The following MACROD1 variants were observed in gnomAD, a reference collection of about 807,000 sequenced individuals.
MACROD1 encodes mono-ADP ribosylhydrolase 1, also known as ADP-ribose glycohydrolase MACROD1.
Under a neutral mutation model 41.4 loss-of-function variants are expected in MACROD1, and 31 were observed. The ratio of observed to expected loss-of-function variants is 0.75; its 90% CI spans 0.56 to 1.01. The LOEUF (loss-of-function observed/expected upper bound fraction) is 1.01, where lower values mean the gene tolerates loss of function less well. Ranked by LOEUF, MACROD1 falls within the 50% of genes least tolerant of loss-of-function variation. The pLI, the probability that MACROD1 is intolerant of heterozygous loss-of-function variation, is 0.00. For synonymous variants in MACROD1, 252 were observed against 203.4 expected (o/e 1.24, Z -2.03); for missense variants, 473 against 460.0 (o/e 1.03, Z -0.26).
chr11:64,065,076 C>T (rs952209887), intron 3 of MACROD1, among the ~76,000 whole-genome samples: 2 of 152,188 alleles, frequency 1.3e-5, no homozygotes, highest in African/African-American at 4.8e-5. Flanking sequence ...AGCACAGGCA[C>T]CTGAGCCAGA....
At chr11:63,999,486 G>T (rs772353394) in intron 7 of MACROD1, 44 bp downstream of exon 7, 3 of 1,582,792 alleles carry the variant, frequency 1.9e-6, no homozygotes, top group Admixed American at 1.8e-5. Context: ...CCGGCGTCTG[G>T]GTCCACCGCC....
rs1362122285 is a variant in MACROD1, at chr11:64,068,327, T to TCCCCAAA, written c.518-53047_518-53046insTTTGGGG. ...CCCGCCTGTCCCACTCTTCCGCCTTTGGGGACAGTGATGCCTACCAGGCCC... is the reference window on the plus strand; with the variant it reads ...CCCGCCTGTCCCACTCTTCCGCCTTTCCCCAAAGGGGACAGTGATGCCTACCAGGCCC... On this transcript the variant is annotated intron_variant, in intron 3 of 10. Transcript: ENST00000255681. Among the ~76,000 whole-genome samples, 27 of 152,310 alleles carry TCCCCAAA rather than the reference T, an allele frequency of 1.8e-4. No individual in the cohort carries two copies. The East Asian group carries it at 4.4e-3, about 25-fold the overall frequency.
intron 1 of MACROD1, among the ~76,000 whole-genome samples, chr11:64,153,515 C>A (rs1945617483): frequency 1.3e-5 from 2 of 152,148 alleles, no homozygotes; most frequent in Admixed American, 6.5e-5. Context: ...GGGAGGCCAC[C>A]CTCACACAGC....
chr11:64,144,471 G>A (rs996391897), intron 3 of MACROD1, among the ~76,000 whole-genome samples: 2 of 152,208 alleles, frequency 1.3e-5, no homozygotes, highest in African/African-American at 4.8e-5. Flanking sequence ...GTCACCTGCC[G>A]AGGTGGGGCT....
chr11:64,158,602 T>G (rs1056119594), intron 1 of MACROD1, among the ~76,000 whole-genome samples: 8 of 152,056 alleles, frequency 5.3e-5, no homozygotes, highest in African/African-American at 1.9e-4. Context: ...TGGTCCCATT[T>G]TATGGATGAG....
chr11:64,108,678 G>A (rs954028216), intron 3 of MACROD1, among the ~76,000 whole-genome samples: 3 of 152,260 alleles, frequency 2.0e-5, no homozygotes, highest in African/African-American at 4.8e-5. Flanking sequence ...CTCTGGGGCT[G>A]AGAAACTGCT....
chr11:64,018,369 GGCCCCTGGGCCTC>G (rs1356676137), intron 3 of MACROD1, among the ~76,000 whole-genome samples: 2 of 152,180 alleles, frequency 1.3e-5, no homozygotes, highest in South Asian at 4.1e-4. Flanking sequence ...CCCCCGTTCT[GGCCCCTGGGCCTC>G]GACACCAAGC....
intron 3 of MACROD1, among the ~76,000 whole-genome samples, chr11:64,070,803 G>T (rs992662023): frequency 6.6e-6 from 1 of 152,222 alleles, no homozygotes; most frequent in South Asian, 2.1e-4. Context: ...GGGAGACGAG[G>T]CGTGAACAAT....
intron 3 of MACROD1, chr11:64,117,674 G>A (rs758717381): frequency 2.5e-6 from 4 of 1,613,668 alleles, no homozygotes; most frequent in Admixed American, 3.3e-5. Context: ...TCAGTTGGCT[G>A]CGCCTGGGCC....
At chr11:64,060,268 CCGGGAGCGG>C (rs1174618290) in intron 3 of MACROD1, among the ~76,000 whole-genome samples, 1 of 152,242 alleles carries the variant, frequency 6.6e-6, no homozygotes, top group Non-Finnish European at 1.5e-5. Context: ...CCCCAGAGCT[CCGGGAGCGG>C]CGGGAGGTCT....
At chr11:64,044,409 A>G (rs960930232) in intron 3 of MACROD1, among the ~76,000 whole-genome samples, 1 of 151,846 alleles carries the variant, frequency 6.6e-6, no homozygotes, top group African/African-American at 2.4e-5. Context: ...GCACCAACAC[A>G]CTGGCTAATT....
At chr11:64,062,608 G>A (rs995711454) in intron 3 of MACROD1, among the ~76,000 whole-genome samples, 3 of 150,214 alleles carry the variant, frequency 2.0e-5, no homozygotes, top group African/African-American at 5.0e-5. Context: ...TGTCCTGGGC[G>A]CTGGGGATGG....
At chr11:64,106,319 G>A (rs1386211429) in intron 3 of MACROD1, among the ~76,000 whole-genome samples, 1 of 152,144 alleles carries the variant, frequency 6.6e-6, no homozygotes, top group Non-Finnish European at 1.5e-5. Flanking sequence ...GCTGTAGGAA[G>A]GCCAGCCTCC....
chr11:64,024,864 G>A (rs1003310936), intron 3 of MACROD1, among the ~76,000 whole-genome samples: 2 of 152,334 alleles, frequency 1.3e-5, no homozygotes, highest in Middle Eastern at 3.4e-3. Context: ...CGTAGGAAAA[G>A]TCACGGGTTC....
At chr11:64,057,904 G>A (rs1943820537) in intron 3 of MACROD1, among the ~76,000 whole-genome samples, 2 of 152,208 alleles carry the variant, frequency 1.3e-5, no homozygotes, top group Non-Finnish European at 2.9e-5. Flanking sequence ...ACTCATGTGG[G>A]TGCAACCCCA....
intron 1 of MACROD1, among the ~76,000 whole-genome samples, chr11:64,154,867 G>A (rs1945643143): frequency 6.6e-6 from 1 of 152,150 alleles, no homozygotes; most frequent in African/African-American, 2.4e-5. Flanking sequence ...TTACACGCGT[G>A]TGCCAGCACA....
At position 63,998,567 on chromosome 11, in the gene MACROD1, G is replaced by A; in HGVS notation, c.*151C>T. On this transcript the variant is annotated 3_prime_UTR_variant, in exon 11 of 11. Transcript: ENST00000255681. ...CTCAGACAGTAGGAGCTGCCACAACGAGATCTTTATTAGGCTCCTCGGGGG... is the reference window on the plus strand; with the variant it reads ...CTCAGACAGTAGGAGCTGCCACAACAAGATCTTTATTAGGCTCCTCGGGGG... 9 of 1,186,792 alleles carry A rather than the reference G, an allele frequency of 7.6e-6. No homozygotes were observed. The highest frequency in any genetic ancestry group is 9.5e-6 in the Non-Finnish European group (9 of 945,928). The allele number at this position is 1,186,792 out of a possible 1,614,324, so 73.5% of individuals were successfully genotyped here.
chr11:64,057,253 A>G (rs1001269066), intron 3 of MACROD1, among the ~76,000 whole-genome samples: 1 of 152,256 alleles, frequency 6.6e-6, no homozygotes, highest in African/African-American at 2.4e-5. Flanking sequence ...GGGACGGGAC[A>G]GCCCATTGGT....
intron 1 of MACROD1, among the ~76,000 whole-genome samples, chr11:64,160,684 C>T (rs531884560): frequency 6.6e-6 from 1 of 152,082 alleles, no homozygotes; most frequent in South Asian, 2.1e-4. Flanking sequence ...GGCATGGTGG[C>T]ACATGCCTAT....
Sources: gnomAD v4.1 joint callset for allele counts (sites outside exome capture counted in the v4.1 genomes callset) on GRCh38, gnomAD v4.1.1 for gene constraint, MANE v1.5 for transcripts, NCBI Gene and HGNC (gene_info 2026-07-23, HGNC 2026-07-21) for gene names.